Variants in PRAG1 observed in about 807,000 individuals in gnomAD.
PRAG1 encodes the protein inactive tyrosine-protein kinase PRAG1.
Under a neutral mutation model 95.6 loss-of-function variants are expected in PRAG1, and 110 were observed. The observed-to-expected ratio is 1.15, with a 90% CI of 0.99 to 1.35. The LOEUF is 1.35. Ranked by LOEUF, PRAG1 falls within the 40% of genes most tolerant of loss-of-function variation. PRAG1 has a pLI of 0.00. For missense variants in PRAG1, 2,554 were observed against 1,864.7 expected, an observed-to-expected ratio of 1.37 and a Z score of -6.81; for synonymous variants, 1,052 against 819.4, an observed-to-expected ratio of 1.28 and a Z score of -4.85.
intron 3 of PRAG1, among the ~76,000 whole-genome samples, chr8:8,347,215 C>T (rs902548994): frequency 6.6e-6 from 1 of 152,200 alleles, no homozygotes; most frequent in Non-Finnish European, 1.5e-5. Context: ...GGCCTTGTGA[C>T]TAGCTGGGAC....
At chr8:8,358,056 C>G (rs371826267) in intron 3 of PRAG1, among the ~76,000 whole-genome samples, 7 of 152,220 alleles carry the variant, frequency 4.6e-5, no homozygotes, top group Non-Finnish European at 8.8e-5. Context: ...GAAGACTTCC[C>G]CCTACTTCCA....
At chr8:8,370,612 G>A (rs963629994) in intron 3 of PRAG1, among the ~76,000 whole-genome samples, 3 of 152,172 alleles carry the variant, frequency 2.0e-5, no homozygotes, top group African/African-American at 7.2e-5. Flanking sequence ...AGGGCCTCTA[G>A]AAGAACACAT....
At chr8:8,335,554 A>G (rs1031778544) in intron 4 of PRAG1, among the ~76,000 whole-genome samples, 2 of 152,210 alleles carry the variant, frequency 1.3e-5, no homozygotes, top group African/African-American at 4.8e-5. Flanking sequence ...TTATAAAAAA[A>G]AAGTATTGAC....
At chr8:8,322,854 A>G (rs1306815339) in intron 5 of PRAG1, among the ~76,000 whole-genome samples, 3 of 152,192 alleles carry the variant, frequency 2.0e-5, no homozygotes, top group Admixed American at 2.0e-4. Flanking sequence ...TTCAATGTAC[A>G]TCATACATGT....
chr8:8,356,191 G>C (rs1342077515), intron 3 of PRAG1, among the ~76,000 whole-genome samples: 1 of 152,146 alleles, frequency 6.6e-6, no homozygotes, highest in Admixed American at 6.5e-5. Context: ...TCACTAATCA[G>C]GGAAATGCAA....
At chr8:8,353,374 T>G (rs1161315716) in intron 3 of PRAG1, among the ~76,000 whole-genome samples, 1 of 152,092 alleles carries the variant, frequency 6.6e-6, no homozygotes, top group Non-Finnish European at 1.5e-5. Flanking sequence ...ACCACAACAG[T>G]GTGAAATTAG....
intron 4 of PRAG1, among the ~76,000 whole-genome samples, chr8:8,333,411 C>T (rs959472990): frequency 4.6e-5 from 7 of 152,120 alleles, no homozygotes; most frequent in African/African-American, 1.2e-4. Flanking sequence ...CTACATATCA[C>T]GTATGCTGCA....
In PRAG1 at chr8:8,377,319, C is replaced by T; in HGVS notation, c.1090G>A (p.Asp364Asn). The change falls in exon 3 of 6, where the codon GAT becomes AAT. Residue 364 changes from aspartate (D) to asparagine (N), a missense_variant. Transcript: ENST00000615670. The part of the protein sequence containing the change: ...SSPFVPHLES[D>N]YCSLMKEPAP... ...GGTTCCTTCATGAGGGAGCAGTAAT[C>T]ACTCTCGAGGTGGGGGACGAAGGGG... is the stretch of plus-strand genomic sequence containing the variant. 6.2e-7 allele frequency: 1 copy of T among 1,611,920 alleles called. No homozygotes were observed. The highest frequency in any genetic ancestry group is 8.5e-7 in the Non-Finnish European group (1 of 1,179,630).
At chr8:8,323,557 C>G (rs1050274776) in intron 5 of PRAG1, among the ~76,000 whole-genome samples, 2 of 152,078 alleles carry the variant, frequency 1.3e-5, no homozygotes, top group Non-Finnish European at 2.9e-5. Context: ...AACTCCTGAC[C>G]TCGTGATCTA....
chr8:8,350,045 G>A (rs565002117), intron 3 of PRAG1, among the ~76,000 whole-genome samples: 1 of 151,936 alleles, frequency 6.6e-6, no homozygotes, highest in Admixed American at 6.6e-5. Flanking sequence ...TTCTTAAATT[G>A]GTCAGATGGA....
rs1585209923 is a variant in PRAG1, at chr8:8,317,964, G to C, written c.*190C>G. 2.5e-6 allele frequency: 1 copy of C among 394,908 alleles called. No homozygotes were observed. Among genetic ancestry groups the C allele is most frequent in the Non-Finnish European group, 4.2e-6 (1 of 237,018 alleles). The allele number at this position is 394,908 out of a possible 1,614,324, so 24.5% of individuals were successfully genotyped here. On this transcript the variant is annotated 3_prime_UTR_variant, in exon 6 of 6. Coordinates refer to ENST00000615670, the MANE Select transcript of PRAG1 (RefSeq NM_001080826.3). ...GTGCAGAGAGGAGACGAGTGTGGACGGGCAACAGCATCCTTAGTCTTTCAT... is the reference window on the plus strand; with the variant it reads ...GTGCAGAGAGGAGACGAGTGTGGACCGGCAACAGCATCCTTAGTCTTTCAT...
At position 8,318,407 on chromosome 8, in the gene PRAG1, C is replaced by A. The variant is rs746432136; in HGVS notation, c.3968G>T (p.Arg1323Leu). 5.0e-6 allele frequency: 8 copies of A among 1,613,234 alleles called. No homozygotes were observed. The South Asian group carries it at 7.7e-5, about 16-fold the overall frequency. ...CCCCCACAGCAGGCACTGCAGCACG[C>A]GCTTGGCCTCGCCGATGCGGATACG... ...IKRIRIGEAKRVLQCLLWGPR... is the reference protein window; with the variant it reads ...IKRIRIGEAKLVLQCLLWGPR... The change falls in exon 6 of 6, where the codon CGC (arginine) becomes CTC (leucine). Residue 1323 changes from arginine (R) to leucine (L), a missense_variant. Arg to Leu is a moderately radical substitution (Grantham distance 102). Coordinates refer to ENST00000615670, the MANE Select transcript of PRAG1 (RefSeq NM_001080826.3). This position sits in a 1 kb window ranked among gnomAD's most constrained non-coding sequence, Gnocchi z 4.2.
chr8:8,370,681 C>T (rs116241626), intron 3 of PRAG1, among the ~76,000 whole-genome samples: 1 of 152,294 alleles, frequency 6.6e-6, no homozygotes, highest in South Asian at 2.1e-4. Context: ...CTCACTCATC[C>T]TATGCCCATC....
chr8:8,329,303 G>C (rs2945900), intron 4 of PRAG1, among the ~76,000 whole-genome samples: 1 of 151,802 alleles, frequency 6.6e-6, no homozygotes, highest in Non-Finnish European at 1.5e-5. Flanking sequence ...TGAGGCAGGA[G>C]AATCGCTTGA....
chr8:8,321,982 C>A (rs1383154036), intron 5 of PRAG1, among the ~76,000 whole-genome samples: 1 of 152,144 alleles, frequency 6.6e-6, no homozygotes, highest in Non-Finnish European at 1.5e-5. Context: ...TTTAGAGATA[C>A]CTTGTTTAAC....
chr8:8,345,562 G>A (rs1480712491), intron 3 of PRAG1, among the ~76,000 whole-genome samples: 3 of 151,962 alleles, frequency 2.0e-5, no homozygotes, highest in South Asian at 2.1e-4. Flanking sequence ...AGGCAGAGGC[G>A]GGTGGATCAC....
chr8:8,375,990 C>T (rs1418459409), intron 3 of PRAG1, among the ~76,000 whole-genome samples: 1 of 152,148 alleles, frequency 6.6e-6, no homozygotes, highest in Non-Finnish European at 1.5e-5. Flanking sequence ...CAAATGGCAA[C>T]AGCTTGGTGA....
chr8:8,367,131 A>C (rs1396756102), intron 3 of PRAG1, among the ~76,000 whole-genome samples: 2 of 152,150 alleles, frequency 1.3e-5, no homozygotes, highest in African/African-American at 4.8e-5. Flanking sequence ...AATGATCAGA[A>C]TTGGCATGGA....
At chr8:8,343,348 C>G (rs987343492) in intron 3 of PRAG1, among the ~76,000 whole-genome samples, 3 of 152,160 alleles carry the variant, frequency 2.0e-5, no homozygotes, top group African/African-American at 7.2e-5. Flanking sequence ...TACACACATT[C>G]CTATAATCCA....
Sources: gnomAD v4.1 joint callset for allele counts (sites outside exome capture counted in the v4.1 genomes callset) on GRCh38, gnomAD v4.1.1 for gene constraint, Gnocchi (gnomAD v3.1) non-coding constraint, MANE v1.5 for transcripts, NCBI Gene and HGNC (gene_info 2026-07-23, HGNC 2026-07-21) for gene names.